Variants in ADGRV1 observed in about 807,000 individuals in gnomAD.
ADGRV1 encodes the protein adhesion G protein-coupled receptor V1.
Under a neutral mutation model 596.2 loss-of-function variants are expected in ADGRV1, and 359 were observed. That is an observed-to-expected ratio of 0.60 (90% confidence interval 0.55 to 0.66). The LOEUF is 0.66. ADGRV1 is among the 30% of genes least tolerant of loss of function. The probability of loss-of-function intolerance (pLI) is 0.00; values close to 1 mark genes in which losing one functional copy is unlikely to be tolerated. For missense variants in ADGRV1, 7,274 were observed against 7,575.6 expected, an observed-to-expected ratio of 0.96 and a Z score of 1.48; for synonymous variants, 2,681 against 2,679.2, an observed-to-expected ratio of 1.00 and a Z score of -0.02.
chr5:91,048,332 T>C (rs11952993), intron 85 of ADGRV1, among the ~76,000 whole-genome samples: 37,123 of 152,208 alleles, frequency 0.24, 4,810 homozygotes, highest in Non-Finnish European at 0.28. Context: ...TATTCTAGCT[T>C]TCTCTTGTGC....
intron 83 of ADGRV1, among the ~76,000 whole-genome samples, chr5:90,928,987 G>C (rs750656422): frequency 0.011 from 1,690 of 148,828 alleles, 16 homozygotes; most frequent in Non-Finnish European, 0.017. Flanking sequence ...CAGTCTGCCC[G>C]TTCTCAGATC....
At chr5:90,569,354 GATAT>G (rs1185532852) in intron 1 of ADGRV1, among the ~76,000 whole-genome samples, 53 of 12,794 alleles carry the variant, frequency 4.1e-3, no homozygotes, top group South Asian at 0.012. Context: ...CTGTTTGCAT[GATAT>G]ATATATATAT....
At chr5:90,718,217 T>C (rs1470717646) in intron 43 of ADGRV1, 1 of 152,244 alleles carries the variant, frequency 6.6e-6, no homozygotes, top group Non-Finnish European at 1.5e-5. Flanking sequence ...ATATTTCGCA[T>C]ATGTGAAATT....
intron 2 of ADGRV1, among the ~76,000 whole-genome samples, chr5:90,616,334 A>T (rs1763364880): frequency 6.6e-6 from 1 of 152,102 alleles, no homozygotes; most frequent in Non-Finnish European, 1.5e-5. Flanking sequence ...AATACTGAGA[A>T]TCTTACCAGT....
intron 1 of ADGRV1, 80 bp downstream of exon 1, chr5:90,558,997 A>T: frequency 7.7e-7 from 1 of 1,301,570 alleles, no homozygotes; most frequent in South Asian, 1.5e-5. Context: ...CTGTTGCTGC[A>T]GGTGGGCGGC....
Position 90,966,448 on chromosome 5 carries a change from C to T in ADGRV1, c.17973+917C>T, listed in dbSNP as rs1046687848. Among the ~76,000 whole-genome samples, 3 of 146,476 alleles carry T rather than the reference C, an allele frequency of 2.0e-5. No individual in the cohort carries two copies. In the Admixed American group the frequency reaches 2.1e-4, roughly 10 times the overall value. On this transcript the variant is annotated intron_variant, in intron 84 of 89. Transcript: ENST00000405460. ...TAGGGAGGCTGAGGCAGGAGAATCA[C>T]TTGAACCCAGGAGGCGGAGGTTGCA...
chr5:90,656,940 A>G (rs1769489234), intron 20 of ADGRV1, among the ~76,000 whole-genome samples: 1 of 152,146 alleles, frequency 6.6e-6, no homozygotes. Flanking sequence ...AGACTTACAT[A>G]TAATGTTTCT....
In ADGRV1 at chr5:90,778,531, C is replaced by G. The variant is rs1469658772; in HGVS notation, c.12771C>G (p.Ile4257Met). The G allele has an allele frequency of 1.2e-6, 2 of 1,612,944 alleles. No individual in the cohort carries two copies. The highest frequency in any genetic ancestry group is 1.7e-6 in the Non-Finnish European group (2 of 1,179,470). Reference protein sequence around the residue: ...VLSESSSTANITVVASDSPYG... With the variant: ...VLSESSSTANMTVVASDSPYG... ...GTGAATCCAGCAGCACTGCCAACAT[C>G]ACGGTGGTGGCCAGCGACTCTCCCT... is the stretch of plus-strand genomic sequence containing the variant. The change falls in exon 63 of 90, where the codon ATC becomes ATG. Residue 4257 changes from isoleucine to methionine, a missense_variant. This residue lies in a region of ADGRV1 where 3,643 missense variants were observed against 3,809.2 expected (regional missense o/e 0.96). Coordinates refer to ENST00000405460, the MANE Select transcript of ADGRV1 (RefSeq NM_032119.4).
At chr5:90,615,598 ATATT>A (rs1381618576) in intron 2 of ADGRV1, among the ~76,000 whole-genome samples, 1 of 151,920 alleles carries the variant, frequency 6.6e-6, no homozygotes, top group Non-Finnish European at 1.5e-5. Context: ...GAGTATTGCT[ATATT>A]TGAGTCTCAA....
At position 90,619,160 on chromosome 5, in the gene ADGRV1, T is replaced by C; in HGVS notation, c.432T>C (p.Phe144=). The C allele has an allele frequency of 6.8e-7, 1 of 1,459,866 alleles. No homozygotes were observed. Among genetic ancestry groups the C allele is most frequent in the South Asian group, 1.5e-5 (1 of 65,902 alleles). 90.4% of individuals were successfully genotyped at this position (1,459,866 alleles called of 1,614,324 possible). The change falls in exon 4 of 90, where the codon TTT becomes TTC. Residue 144 remains phenylalanine, a synonymous_variant. Coordinates refer to ENST00000405460, the MANE Select transcript of ADGRV1 (RefSeq NM_032119.4). ...TVTILSNDNA[F]GIISFNMLPS... ...CAATATTATCAAATGACAATGCATTTGGAATTATTTCATTTAATATGGTAT... is the reference window on the plus strand; with the variant it reads ...CAATATTATCAAATGACAATGCATTCGGAATTATTTCATTTAATATGGTAT...
intron 50 of ADGRV1, among the ~76,000 whole-genome samples, chr5:90,737,608 C>T (rs1291549009): frequency 2.6e-5 from 4 of 151,832 alleles, no homozygotes; most frequent in Admixed American, 1.3e-4. Context: ...TTTAGGTGCT[C>T]CAATGTTGGG....
At chr5:90,630,385 T>C (rs1315068243) in intron 9 of ADGRV1, 1 of 152,216 alleles carries the variant, frequency 6.6e-6, no homozygotes. Context: ...TTCAACTGTT[T>C]AGTAAAGTCC....
chr5:90,735,714 T>C lies in ADGRV1; in HGVS notation c.10549+5950T>C, dbSNP rs540385522. ...CATCAGCGTTGTACAGTTTTCAGTA[T>C]ACCAGTCGTTCGTCTTTATTGCTGT... is the stretch of plus-strand genomic sequence containing the variant. On this transcript the variant is annotated intron_variant, in intron 50 of 89. Transcript: ENST00000405460. 3.9e-5 allele frequency among the ~76,000 whole-genome samples: 6 copies of C among 152,260 alleles called. No homozygotes were observed. The South Asian group carries it at 1.2e-3, about 32-fold the overall frequency.
intron 87 of ADGRV1, among the ~76,000 whole-genome samples, chr5:91,148,251 G>A (rs1795722268): frequency 6.6e-6 from 1 of 152,138 alleles, no homozygotes; most frequent in South Asian, 2.1e-4. Context: ...AATGTTAATC[G>A]CCAAGACAAT....
intron 87 of ADGRV1, among the ~76,000 whole-genome samples, chr5:91,125,098 G>T (rs1006889111): frequency 4.6e-5 from 7 of 152,172 alleles, no homozygotes; most frequent in Admixed American, 4.6e-4. Context: ...ACTATCTGCA[G>T]TAAAGCCAGC....
At chr5:91,051,372 T>G (rs1159888704) in intron 85 of ADGRV1, among the ~76,000 whole-genome samples, 1 of 152,150 alleles carries the variant, frequency 6.6e-6, no homozygotes, top group Non-Finnish European at 1.5e-5. Context: ...GTATAGTATT[T>G]AATAAATTAC....
At chr5:90,601,983 C>T (rs1338384195) in intron 1 of ADGRV1, among the ~76,000 whole-genome samples, 3 of 152,108 alleles carry the variant, frequency 2.0e-5, no homozygotes, top group African/African-American at 4.8e-5. Flanking sequence ...GCCTTATTAA[C>T]AGAAGAAATA....
Position 90,913,758 on chromosome 5 carries a change from A to G in ADGRV1, c.17856+49901A>G, listed in dbSNP as rs150998874. ...TTTCTTTCATAAAACCTTATTCTGA[A>G]ATGAGTTCCATGTGAGTGTTTACAG... On this transcript the variant is annotated intron_variant, in intron 83 of 89. Transcript: ENST00000405460. 8.8e-3 allele frequency among the ~76,000 whole-genome samples: 1,342 copies of G among 152,276 alleles called. 18 individuals carry two copies. The highest frequency in any genetic ancestry group is 0.031 in the African/African-American group (1,296 of 41,542).
intron 1 of ADGRV1, among the ~76,000 whole-genome samples, chr5:90,614,419 T>C (rs1763086552): frequency 6.6e-6 from 1 of 152,224 alleles, no homozygotes; most frequent in Non-Finnish European, 1.5e-5. Context: ...TGCTAAAAAT[T>C]TGGCTTCAAC....
Sources: allele counts gnomAD v4.1 joint callset (sites outside exome capture counted in the v4.1 genomes callset), GRCh38; gene constraint gnomAD v4.1.1; regional missense constraint gnomAD v4.1.1; transcripts MANE v1.5; gene names NCBI Gene and HGNC (gene_info 2026-07-23, HGNC 2026-07-21).